Variants in PNPLA1 observed in about 807,000 individuals in gnomAD.
PNPLA1 encodes the protein patatin like domain 1, omega-hydroxyceramide transacylase, also known as omega-hydroxyceramide transacylase.
PNPLA1 carries 36 observed loss-of-function variants against 51.7 expected under a neutral mutation model. That is an observed-to-expected ratio of 0.70 (90% CI 0.53 to 0.92). PNPLA1 has a LOEUF of 0.92. Ranked by LOEUF, PNPLA1 falls within the 40% of genes least tolerant of loss-of-function variation. The pLI, the probability that PNPLA1 is intolerant of heterozygous loss-of-function variation, is 0.00. For synonymous variants in PNPLA1, 293 were observed against 280.1 expected (o/e 1.05, Z -0.46); for missense variants, 658 against 682.5 (o/e 0.96, Z 0.40).
In PNPLA1 at chr6:36,270,380, C is replaced by T. The variant is rs1377125763; in HGVS notation, c.-80C>T. ...AGGGAAGCTGGGTAGGGAGTTCCTA[C>T]AGGGAGCGGCAGCCCAGGCTCGGGC... On this transcript the variant is annotated 5_prime_UTR_variant, in exon 1 of 9. Transcript: ENST00000636260. The T allele has an allele frequency of 1.4e-6, 2 of 1,435,812 alleles. No individual in the cohort carries two copies. The highest frequency in any genetic ancestry group is 2.5e-5 in the East Asian group (1 of 40,302). 88.9% of individuals were successfully genotyped at this position (1,435,812 alleles called of 1,614,324 possible).
intron 6 of PNPLA1, among the ~76,000 whole-genome samples, chr6:36,303,429 A>T (rs1771137161): frequency 6.6e-6 from 1 of 152,194 alleles, no homozygotes; most frequent in Admixed American, 6.5e-5. Context: ...ACTACTACAG[A>T]CGGTTTCAGA....
At chr6:36,298,327 C>T (rs1330754187) in intron 5 of PNPLA1, among the ~76,000 whole-genome samples, 1 of 152,114 alleles carries the variant, frequency 6.6e-6, no homozygotes, top group East Asian at 1.9e-4. Context: ...TTGGTGTGGA[C>T]ATATGCTTTC....
At chr6:36,288,673 T>C (rs1167379921) in intron 1 of PNPLA1, among the ~76,000 whole-genome samples, 1 of 151,876 alleles carries the variant, frequency 6.6e-6, no homozygotes, top group African/African-American at 2.4e-5. Context: ...TTAGCCAGGA[T>C]GGTCTCGATC....
intron 1 of PNPLA1, among the ~76,000 whole-genome samples, chr6:36,251,785 T>A (rs527471905): frequency 9.3e-4 from 141 of 151,012 alleles, no homozygotes; most frequent in Admixed American, 3.7e-3. Flanking sequence ...CAAAAAAAAA[T>A]TTTTTTTTAA....
At chr6:36,276,799 G>A (rs996673201) in intron 1 of PNPLA1, among the ~76,000 whole-genome samples, 2 of 150,350 alleles carry the variant, frequency 1.3e-5, no homozygotes, top group Admixed American at 6.6e-5. Flanking sequence ...GCTTCCTTCC[G>A]TGTTAGTTGA....
At chr6:36,259,742 C>T (rs1769607429) in intron 1 of PNPLA1, among the ~76,000 whole-genome samples, 1 of 152,112 alleles carries the variant, frequency 6.6e-6, no homozygotes, top group African/African-American at 2.4e-5. Flanking sequence ...AACAGAAAAC[C>T]AGATACCGCA....
chr6:36,273,728 C>CAAAAAAAAAAAAAAAA lies in PNPLA1; in HGVS notation c.205+3073_205+3088dup, dbSNP rs57186870. ...TGGATAGTACAGGAAGACCCCATCG[C>CAAAAAAAAAAAAAAAA]AAAAAAAAAAAAAAAAAAAAAAAAG... is the stretch of plus-strand genomic sequence containing the variant. On this transcript the variant is annotated intron_variant, in intron 1 of 8. Transcript: ENST00000636260. 1.7e-4 allele frequency among the ~76,000 whole-genome samples: 8 copies of CAAAAAAAAAAAAAAAA among 48,208 alleles called. 1 individual carries two copies. Among genetic ancestry groups the CAAAAAAAAAAAAAAAA allele is most frequent in the East Asian group, 6.9e-4 (1 of 1,444 alleles). The allele number at this position is 48,208 out of a possible 152,430, so 31.6% of individuals were successfully genotyped here. A position where few individuals can be genotyped will look rare whatever the true frequency, so the allele number is the denominator to read the frequency against.
intron 5 of PNPLA1, among the ~76,000 whole-genome samples, chr6:36,300,215 G>GAGAGAGAGAGAGAGAGAGAT (rs1770995381): frequency 6.7e-6 from 1 of 149,598 alleles, no homozygotes; most frequent in Non-Finnish European, 1.5e-5. Context: ...GAGAGAGAGA[G>GAGAGAGAGAGAGAGAGAGAT]ACAGAGTCTT....
intron 1 of PNPLA1, among the ~76,000 whole-genome samples, chr6:36,250,550 T>C (rs1020526792): frequency 1.3e-5 from 2 of 152,220 alleles, no homozygotes; most frequent in Admixed American, 1.3e-4. Context: ...GCTGAGTTCA[T>C]CCTGTCTCAT....
chr6:36,261,336 C>A (rs1352562051), intron 1 of PNPLA1, among the ~76,000 whole-genome samples: 4 of 152,212 alleles, frequency 2.6e-5, no homozygotes, highest in African/African-American at 9.7e-5. Context: ...GAAGTGTCTT[C>A]CCCTAAGGGG....
At chr6:36,297,297 C>T (rs565450156) in intron 5 of PNPLA1, among the ~76,000 whole-genome samples, 3 of 152,324 alleles carry the variant, frequency 2.0e-5, no homozygotes, top group Non-Finnish European at 2.9e-5. Context: ...TTCACCTCCA[C>T]CACCTCAGTC....
At chr6:36,284,566 TC>T (rs1447999237) in intron 1 of PNPLA1, among the ~76,000 whole-genome samples, 1 of 151,354 alleles carries the variant, frequency 6.6e-6, no homozygotes, top group East Asian at 1.9e-4. Flanking sequence ...CATCCATCCA[TC>T]CATCCATCCA....
chr6:36,288,947 A>C (rs1285354284), intron 1 of PNPLA1, among the ~76,000 whole-genome samples: 1 of 152,122 alleles, frequency 6.6e-6, no homozygotes, highest in Non-Finnish European at 1.5e-5. Context: ...TTAGGTTATA[A>C]ATGGATATTT....
At position 36,256,105 on chromosome 6, in the gene PNPLA1, A is replaced by G. The variant is rs145543699; in HGVS notation, c.-81+12844A>G. ...GGGCCTTTAATATCCTACAGGTGAT[A>G]TAATTGAATGATGCAGATTTTTAAG... On this transcript the variant is annotated intron_variant, in intron 1 of 7. Transcript: ENST00000312917. Among the ~76,000 whole-genome samples, 38 of 152,316 alleles carry G rather than the reference A, an allele frequency of 2.5e-4. No individual in the cohort carries two copies. In the East Asian group the frequency reaches 6.9e-3, roughly 28 times the overall value.
intron 1 of PNPLA1, among the ~76,000 whole-genome samples, chr6:36,287,521 G>T (rs951658260): frequency 1.3e-5 from 2 of 152,152 alleles, no homozygotes; most frequent in African/African-American, 4.8e-5. Context: ...CTGCAGCTCG[G>T]AAGGAGGCCT....
In PNPLA1 at chr6:36,270,339, C is replaced by T. The variant is rs1039541919; in HGVS notation, c.-121C>T. On this transcript the variant is annotated 5_prime_UTR_variant, in exon 1 of 9. Coordinates refer to ENST00000636260, the MANE Select transcript of PNPLA1 (RefSeq NM_001374623.1). ...CAGCCGGGTAGAGACAGCCACATTC[C>T]AAGCTCCGGGGTGGCAGGGAAGCTG... 5 of 1,039,768 alleles carry T rather than the reference C, an allele frequency of 4.8e-6. No homozygotes were observed. The highest frequency in any genetic ancestry group is 7.1e-6 in the Non-Finnish European group (5 of 701,370). The allele number at this position is 1,039,768 out of a possible 1,614,324, so 64.4% of individuals were successfully genotyped here.
intron 1 of PNPLA1, among the ~76,000 whole-genome samples, chr6:36,262,541 A>G (rs116867721): frequency 2.1e-4 from 32 of 152,338 alleles, no homozygotes; most frequent in Middle Eastern, 3.4e-3. Context: ...AAACAACACA[A>G]GAGGCTAGCA....
rs760708335 is a variant in PNPLA1, at chr6:36,302,063, GCCTGTGTCCCAA to G, written c.985_996del (p.Ser329_Val332del). The G allele has an allele frequency of 2.3e-5, 37 of 1,614,180 alleles. No homozygotes were observed. The East Asian group carries it at 6.2e-4, about 27-fold the overall frequency. On this transcript the variant is annotated inframe_deletion, in exon 6 of 9. Transcript: ENST00000636260. ...GGGATGGAAGGGGCAGCCATGGTCC[GCCTGTGTCCCAA>G]CCTGTGCAGACACTTGAATTCACAT...
chr6:36,250,655 TA>T (rs1769400869), intron 1 of PNPLA1, among the ~76,000 whole-genome samples: 1 of 152,208 alleles, frequency 6.6e-6, no homozygotes. Context: ...TTTAAGGTTT[TA>T]TAGTCTACTC....
Sources: allele counts gnomAD v4.1 joint callset (sites outside exome capture counted in the v4.1 genomes callset), GRCh38; gene constraint gnomAD v4.1.1; transcripts MANE v1.5; gene names NCBI Gene and HGNC (gene_info 2026-07-23, HGNC 2026-07-21).